Variants in ADGRB3 observed in about 807,000 individuals in gnomAD.
ADGRB3 encodes adhesion G protein-coupled receptor B3.
A neutral mutation model predicts 193.4 loss-of-function variants in ADGRB3; 37 were observed. The observed-to-expected ratio is 0.19, with a 90% CI of 0.15 to 0.25. The LOEUF (loss-of-function observed/expected upper bound fraction) is 0.25. Ranked by LOEUF, ADGRB3 falls within the 10% of genes least tolerant of loss-of-function variation. The probability of loss-of-function intolerance (pLI) is 1.00; values close to 1 mark genes in which losing one functional copy is unlikely to be tolerated. For missense variants in ADGRB3, 1,637 were observed against 1,852.9 expected (o/e 0.88, Z 2.14); for synonymous variants, 690 against 644.2 (o/e 1.07, Z -1.08).
intron 11 of ADGRB3, among the ~76,000 whole-genome samples, chr6:69,007,670 C>G: frequency 9.1e-6 from 1 of 109,518 alleles, no homozygotes; most frequent in South Asian, 3.0e-4. Flanking sequence ...AAAGTAATCT[C>G]TCTCTCTCTC....
intron 30 of ADGRB3, among the ~76,000 whole-genome samples, chr6:69,380,463 C>T (rs1458244372): frequency 2.0e-5 from 3 of 151,900 alleles, no homozygotes; most frequent in Non-Finnish European, 4.4e-5. Context: ...CATCAACTCT[C>T]TTAGAAGAGA....
At chr6:68,881,864 G>A (rs1382010143) in intron 3 of ADGRB3, among the ~76,000 whole-genome samples, 3 of 152,098 alleles carry the variant, frequency 2.0e-5, no homozygotes, top group Non-Finnish European at 2.9e-5. Flanking sequence ...TACAAGAGTC[G>A]ACAAAATATT....
intron 10 of ADGRB3, among the ~76,000 whole-genome samples, chr6:68,986,508 T>C (rs1769080556): frequency 1.3e-5 from 2 of 152,192 alleles, no homozygotes; most frequent in South Asian, 4.1e-4. Flanking sequence ...AATTAAGAAA[T>C]ATTCATTTAC....
rs747261962 is a variant in ADGRB3 at position 69,309,262 on chromosome 6, T to C, written c.2815-15610T>C. Among the ~76,000 whole-genome samples, 4 of 151,708 alleles carry C rather than the reference T, an allele frequency of 2.6e-5. No homozygotes were observed. In the South Asian group the frequency reaches 8.3e-4, roughly 31 times the overall value. On this transcript the variant is annotated intron_variant, in intron 20 of 31. Coordinates refer to ENST00000370598, the MANE Select transcript of ADGRB3 (RefSeq NM_001704.3). ...TTCTTAGAAGCTATATTCTGCGAGATAAGAATAAAAATGAGAATTTTCAAC... is the reference window on the plus strand; with the variant it reads ...TTCTTAGAAGCTATATTCTGCGAGACAAGAATAAAAATGAGAATTTTCAAC...
chr6:69,212,360 T>G (rs1765685177), intron 17 of ADGRB3, among the ~76,000 whole-genome samples: 1 of 152,156 alleles, frequency 6.6e-6, no homozygotes, highest in Non-Finnish European at 1.5e-5. Context: ...ATAAGACTGT[T>G]TAAGAGTATT....
At chr6:68,765,581 G>T (rs1264928054) in intron 3 of ADGRB3, among the ~76,000 whole-genome samples, 1 of 93,080 alleles carries the variant, frequency 1.1e-5, no homozygotes, top group Middle Eastern at 6.3e-3. Flanking sequence ...CACACACCTG[G>T]AGCAGAGGGT....
intron 26 of ADGRB3, among the ~76,000 whole-genome samples, chr6:69,346,804 A>T (rs1486420591): frequency 6.6e-6 from 1 of 152,176 alleles, no homozygotes; most frequent in Non-Finnish European, 1.5e-5. Flanking sequence ...ATGACTCCTC[A>T]AGGATGTAGA....
intron 15 of ADGRB3, among the ~76,000 whole-genome samples, chr6:69,058,862 A>T (rs544933506): frequency 6.6e-6 from 1 of 152,162 alleles, no homozygotes; most frequent in East Asian, 1.9e-4. Flanking sequence ...TTGTGGCTTA[A>T]CATGTGGTCT....
intron 20 of ADGRB3, among the ~76,000 whole-genome samples, chr6:69,256,777 G>A (rs1474880559): frequency 1.3e-5 from 2 of 152,130 alleles, no homozygotes; most frequent in Non-Finnish European, 1.5e-5. Context: ...TCCCTGTCTT[G>A]TGCCAGTTTT....
intron 3 of ADGRB3, among the ~76,000 whole-genome samples, chr6:68,869,917 T>C (rs1295759727): frequency 6.6e-6 from 1 of 152,142 alleles, no homozygotes; most frequent in Non-Finnish European, 1.5e-5. Flanking sequence ...TAGCTGGGAT[T>C]ATAGGCACAG....
intron 20 of ADGRB3, among the ~76,000 whole-genome samples, chr6:69,259,167 G>A (rs562126281): frequency 2.0e-5 from 3 of 152,274 alleles, no homozygotes; most frequent in African/African-American, 7.2e-5. Context: ...TTTCGAATTT[G>A]CTTAATAAGA....
intron 20 of ADGRB3, among the ~76,000 whole-genome samples, chr6:69,318,407 C>A (rs780130220): frequency 2.6e-5 from 4 of 151,248 alleles, no homozygotes; most frequent in Non-Finnish European, 5.9e-5. Flanking sequence ...TGTTGAGTCA[C>A]CCTGCATTAC....
intron 3 of ADGRB3, among the ~76,000 whole-genome samples, chr6:68,659,769 C>A (rs960751788): frequency 2.6e-5 from 4 of 150,992 alleles, no homozygotes; most frequent in Non-Finnish European, 1.5e-5. Flanking sequence ...ATTTAGAAAA[C>A]CATTCTAGGG....
intron 24 of ADGRB3, among the ~76,000 whole-genome samples, chr6:69,334,092 T>C (rs1018340050): frequency 5.9e-5 from 9 of 151,918 alleles, no homozygotes; most frequent in Non-Finnish European, 1.3e-4. Flanking sequence ...ACATCATCCT[T>C]TATCATATAA....
chr6:68,813,869 C>T (rs1391196407), intron 3 of ADGRB3, among the ~76,000 whole-genome samples: 1 of 152,104 alleles, frequency 6.6e-6, no homozygotes, highest in Admixed American at 6.6e-5. Flanking sequence ...ATCTATGTCC[C>T]TACAAAGGAC....
intron 17 of ADGRB3, among the ~76,000 whole-genome samples, chr6:69,220,037 T>A (rs1395643461): frequency 6.6e-6 from 1 of 152,060 alleles, no homozygotes; most frequent in Non-Finnish European, 1.5e-5. Context: ...CAGGAATTTT[T>A]CTCATGACAG....
chr6:69,350,836 CAAT>C (rs1461160547), intron 26 of ADGRB3, among the ~76,000 whole-genome samples: 37 of 151,708 alleles, frequency 2.4e-4, no homozygotes, highest in Non-Finnish European at 5.9e-5. Flanking sequence ...TACAAAAACT[CAAT>C]TATTCTTCAT....
rs915287867 is a variant in ADGRB3 at position 68,638,724 on chromosome 6, C to G, written c.49C>G (p.Leu17Val). The change falls in exon 3 of 32, where the codon CTG (leucine) becomes GTG (valine). Residue 17 changes from leucine (L) to valine (V), a missense_variant. Around this residue, in one of 7 missense-constraint regions of ADGRB3, gnomAD observed 365 missense variants for 409.8 expected, o/e 0.89. Coordinates refer to ENST00000370598, the MANE Select transcript of ADGRB3 (RefSeq NM_001704.3). ...GATTTATATATTTTCCACCTATCTC[C>G]TGGTTATGTTTGGATTTAATGCTGC... ...LLIYIFSTYL[L>V]VMFGFNAAQD... is the part of the protein sequence containing the mutation. 8 of 1,613,978 alleles carry G rather than the reference C, an allele frequency of 5.0e-6. No individual in the cohort carries two copies. The highest frequency in any genetic ancestry group is 6.8e-6 in the Non-Finnish European group (8 of 1,180,026).
At chr6:68,710,044 T>C (rs970765628) in intron 3 of ADGRB3, among the ~76,000 whole-genome samples, 4 of 152,108 alleles carry the variant, frequency 2.6e-5, no homozygotes, top group African/African-American at 9.7e-5. Flanking sequence ...GGCACTGGAG[T>C]AATCTGAGGT....
Sources: gnomAD v4.1 joint callset for allele counts (sites outside exome capture counted in the v4.1 genomes callset) on GRCh38, gnomAD v4.1.1 for gene constraint, gnomAD v4.1.1 regional missense constraint, MANE v1.5 for transcripts, NCBI Gene and HGNC (gene_info 2026-07-23, HGNC 2026-07-21) for gene names.